ADAMTSL1: variants seen among roughly 807,000 people sequenced by gnomAD.
ADAMTSL1 encodes the protein ADAMTS like 1.
ADAMTSL1 carries 126 observed loss-of-function variants against 201.8 expected under a neutral mutation model. The observed-to-expected ratio is 0.62, with a 90% CI of 0.54 to 0.72. The LOEUF (loss-of-function observed/expected upper bound fraction) is 0.72, where lower values mean the gene tolerates loss of function less well. Ranked by LOEUF, ADAMTSL1 falls within the 30% of genes least tolerant of loss-of-function variation. The pLI is 0.00. For synonymous variants in ADAMTSL1, 1,121 were observed against 903.4 expected (o/e 1.24, Z -4.32); for missense variants, 2,679 against 2,277.8 (o/e 1.18, Z -3.59).
At chr9:17,965,688 G>A (rs1033577197) in intron 1 of ADAMTSL1, among the ~76,000 whole-genome samples, 5 of 152,148 alleles carry the variant, frequency 3.3e-5, no homozygotes, top group African/African-American at 1.2e-4. Flanking sequence ...ATTATTTTCA[G>A]ACTTTCAATT....
At chr9:18,269,210 T>A (rs954528282) in intron 2 of ADAMTSL1, among the ~76,000 whole-genome samples, 5 of 152,304 alleles carry the variant, frequency 3.3e-5, no homozygotes, top group African/African-American at 1.2e-4. Context: ...TCTTGCTTCA[T>A]AGTTATTTAT....
chr9:18,619,244 A>G (rs1825877966), intron 4 of ADAMTSL1, among the ~76,000 whole-genome samples: 1 of 152,194 alleles, frequency 6.6e-6, no homozygotes, highest in African/African-American at 2.4e-5. Flanking sequence ...CTCAAAATCA[A>G]CAGATTAAGA....
intron 19 of ADAMTSL1, among the ~76,000 whole-genome samples, chr9:18,778,910 C>A (rs1230989974): frequency 6.6e-6 from 1 of 152,218 alleles, no homozygotes; most frequent in African/African-American, 2.4e-5. Context: ...CTCATTTTAA[C>A]CTTCTATCTT....
chr9:18,450,710 T>C (rs1820370888), intron 2 of ADAMTSL1, among the ~76,000 whole-genome samples: 1 of 151,130 alleles, frequency 6.6e-6, no homozygotes, highest in Non-Finnish European at 1.5e-5. Flanking sequence ...CAAACTCCCT[T>C]TGCTTTGTTG....
At chr9:18,099,400 C>A (rs1824416613) in intron 1 of ADAMTSL1, among the ~76,000 whole-genome samples, 1 of 112,932 alleles carries the variant, frequency 8.9e-6, no homozygotes, top group African/African-American at 3.3e-5. Flanking sequence ...CTAGGCTATG[C>A]TTTGGTTTTG....
At chr9:18,644,529 C>G (rs1205032630) in intron 7 of ADAMTSL1, among the ~76,000 whole-genome samples, 2 of 151,342 alleles carry the variant, frequency 1.3e-5, no homozygotes, top group Non-Finnish European at 2.9e-5. Context: ...TAATGCTATC[C>G]CTCCCCCCTA....
intron 2 of ADAMTSL1, among the ~76,000 whole-genome samples, chr9:18,213,386 G>A (rs1239621867): frequency 6.6e-6 from 1 of 152,150 alleles, no homozygotes; most frequent in African/African-American, 2.4e-5. Context: ...AAAACACTGT[G>A]TTCCTGGGTG....
In ADAMTSL1 at chr9:17,941,432, T is replaced by C. The variant is rs545528697; in HGVS notation, c.87+34510T>C. Among the ~76,000 whole-genome samples, 83 of 152,256 alleles carry C rather than the reference T, an allele frequency of 5.5e-4. No individual in the cohort carries two copies. In the Middle Eastern group the frequency reaches 0.017, roughly 31 times the overall value. ...GGTTTTTGGATACGTGTAGTTTATT[T>C]CTTAATTGAGGAGACCATATTCTAT... On this transcript the variant is annotated intron_variant, in intron 1 of 29. Transcript: ENST00000680146.
chr9:18,862,906 T>C (rs529966815), intron 23 of ADAMTSL1, among the ~76,000 whole-genome samples: 1 of 152,226 alleles, frequency 6.6e-6, no homozygotes, highest in South Asian at 2.1e-4. Flanking sequence ...TTAAAAGGTA[T>C]ATTTTATGCC....
intron 1 of ADAMTSL1, among the ~76,000 whole-genome samples, chr9:18,112,722 A>G (rs1216574948): frequency 6.6e-6 from 1 of 152,128 alleles, no homozygotes; most frequent in Non-Finnish European, 1.5e-5. Context: ...CATTTGGTAG[A>G]CATTTGTGGG....
At chr9:18,244,678 C>T (rs909526448) in intron 2 of ADAMTSL1, among the ~76,000 whole-genome samples, 8 of 152,112 alleles carry the variant, frequency 5.3e-5, no homozygotes, top group African/African-American at 1.9e-4. Context: ...ATTTCTGAAT[C>T]CCTTTGGTAC....
chr9:18,098,036 T>C (rs2131836733), intron 1 of ADAMTSL1, among the ~76,000 whole-genome samples: 1 of 152,168 alleles, frequency 6.6e-6, no homozygotes, highest in South Asian at 2.1e-4. Flanking sequence ...AGGCTTATTT[T>C]TTTTCCAGAT....
chr9:18,223,807 G>C (rs1471181941), intron 2 of ADAMTSL1, among the ~76,000 whole-genome samples: 1 of 151,920 alleles, frequency 6.6e-6, no homozygotes, highest in East Asian at 1.9e-4. Flanking sequence ...TATGGGACCA[G>C]TGATTTTTTT....
chr9:18,886,164 G>GTATATATATA (rs773443727), intron 23 of ADAMTSL1, among the ~76,000 whole-genome samples: 6 of 62,224 alleles, frequency 9.6e-5, no homozygotes, highest in South Asian at 5.8e-4. Context: ...GAGTGTGTAT[G>GTATATATATA]TGTATATATA....
intron 23 of ADAMTSL1, among the ~76,000 whole-genome samples, chr9:18,864,387 T>G (rs1428657745): frequency 2.0e-5 from 3 of 152,202 alleles, no homozygotes; most frequent in Non-Finnish European, 4.4e-5. Flanking sequence ...TCAAAGTGAC[T>G]GGCAGCTAAT....
intron 7 of ADAMTSL1, among the ~76,000 whole-genome samples, chr9:18,643,855 C>A (rs959563522): frequency 6.6e-6 from 1 of 150,890 alleles, no homozygotes; most frequent in African/African-American, 2.4e-5. Context: ...ATTGCTTTGG[C>A]TATTTGGGGT....
At chr9:18,609,694 T>A (rs79740091) in intron 4 of ADAMTSL1, among the ~76,000 whole-genome samples, 9,271 of 152,144 alleles carry the variant, frequency 0.061, 369 homozygotes, top group Non-Finnish European at 0.091. Context: ...ATACCTGCTA[T>A]TTGCACAGTG....
At chr9:17,973,216 G>T (rs1818289363) in intron 1 of ADAMTSL1, among the ~76,000 whole-genome samples, 1 of 151,404 alleles carries the variant, frequency 6.6e-6, no homozygotes, top group Non-Finnish European at 1.5e-5. Context: ...TCCTTTTGGT[G>T]TTTTAGACAT....
chr9:18,267,774 AC>A (rs781354240), intron 2 of ADAMTSL1, among the ~76,000 whole-genome samples: 4,808 of 132,370 alleles, frequency 0.036, 135 homozygotes, highest in Non-Finnish European at 0.06. Flanking sequence ...AAAAAAAAAA[AC>A]AAAAACAAAA....
Sources: allele counts gnomAD v4.1 joint callset (sites outside exome capture counted in the v4.1 genomes callset), GRCh38; gene constraint gnomAD v4.1.1; transcripts MANE v1.5; gene names NCBI Gene and HGNC (gene_info 2026-07-23, HGNC 2026-07-21).